Variants in CCDC178 observed in about 807,000 individuals in gnomAD.
The protein encoded by CCDC178 is coiled-coil domain-containing protein 178.
CCDC178 carries 126 observed loss-of-function variants against 117.4 expected under a neutral mutation model. The observed-to-expected ratio is 1.07, with a 90% CI of 0.93 to 1.24. CCDC178 has a LOEUF of 1.24. Among genes scored for constraint, CCDC178 ranks in the 50% most tolerant of loss-of-function variants. The pLI, the probability that CCDC178 is intolerant of heterozygous loss-of-function variation, is 0.00. For synonymous variants in CCDC178, 283 were observed against 313.4 expected (o/e 0.90, Z 1.02); for missense variants, 1,030 against 986.9 (o/e 1.04, Z -0.59).
At chr18:33,401,492 G>A (rs2063709244) in intron 3 of CCDC178, among the ~76,000 whole-genome samples, 1 of 152,068 alleles carries the variant, frequency 6.6e-6, no homozygotes, top group Admixed American at 6.6e-5. Flanking sequence ...GTGGATAACT[G>A]TATTGTTATA....
At chr18:33,045,325 T>C (rs373223706) in intron 21 of CCDC178, among the ~76,000 whole-genome samples, 2 of 152,194 alleles carry the variant, frequency 1.3e-5, no homozygotes, top group African/African-American at 4.8e-5. Context: ...AATGTCATAG[T>C]AATTAATCAA....
At chr18:32,982,515 T>C (rs2055174584) in intron 21 of CCDC178, among the ~76,000 whole-genome samples, 1 of 152,196 alleles carries the variant, frequency 6.6e-6, no homozygotes, top group Non-Finnish European at 1.5e-5. Context: ...CATTCTGGAT[T>C]TGTGAAAACA....
chr18:33,302,734 C>T (rs79505134), intron 11 of CCDC178, among the ~76,000 whole-genome samples: 1,719 of 152,206 alleles, frequency 0.011, 27 homozygotes, highest in African/African-American at 0.037. Flanking sequence ...GTGAATATTA[C>T]GTTAATGAAA....
chr18:33,246,130 T>C (rs2059546147), intron 14 of CCDC178, among the ~76,000 whole-genome samples: 1 of 151,914 alleles, frequency 6.6e-6, no homozygotes, highest in South Asian at 2.1e-4. Flanking sequence ...AGGCTTATAA[T>C]AATATACAAT....
intron 21 of CCDC178, among the ~76,000 whole-genome samples, chr18:33,082,291 T>C (rs1367298499): frequency 6.6e-6 from 1 of 151,938 alleles, no homozygotes; most frequent in East Asian, 1.9e-4. Context: ...GGCAACATAG[T>C]GAAACTCCAT....
intron 21 of CCDC178, among the ~76,000 whole-genome samples, chr18:33,034,487 G>A (rs888968140): frequency 1.3e-5 from 2 of 152,012 alleles, no homozygotes; most frequent in African/African-American, 4.8e-5. Flanking sequence ...TCTGGAAAGT[G>A]TCATATTTTT....
chr18:33,228,928 G>A (rs1171035788), intron 15 of CCDC178, among the ~76,000 whole-genome samples: 1 of 152,154 alleles, frequency 6.6e-6, no homozygotes, highest in Non-Finnish European at 1.5e-5. Flanking sequence ...ACACCACAGA[G>A]TACCCCAAAG....
intron 14 of CCDC178, among the ~76,000 whole-genome samples, 171 bp from the exon 15 acceptor site, chr18:33,245,599 G>C (rs2144691444): frequency 6.6e-6 from 1 of 151,934 alleles, no homozygotes; most frequent in South Asian, 2.1e-4. Context: ...CATTTATTCT[G>C]CTGCTTCTGA....
At chr18:33,256,689 A>G (rs111937666) in intron 14 of CCDC178, among the ~76,000 whole-genome samples, 2 of 151,672 alleles carry the variant, frequency 1.3e-5, no homozygotes, top group African/African-American at 4.8e-5. Context: ...TTCTCATTCT[A>G]TTTTCCACAA....
chr18:32,953,370 T>C (rs535496712), intron 22 of CCDC178, among the ~76,000 whole-genome samples: 3 of 152,298 alleles, frequency 2.0e-5, no homozygotes, highest in South Asian at 4.1e-4. Context: ...ATCTTTCCCA[T>C]GTCTTCCTAT....
At chr18:32,940,715 C>G (rs2054219562) in intron 22 of CCDC178, among the ~76,000 whole-genome samples, 1 of 151,934 alleles carries the variant, frequency 6.6e-6, no homozygotes, top group Non-Finnish European at 1.5e-5. Context: ...CTGTTGCTTC[C>G]TGCTTTGTGA....
chr18:33,227,579 T>TACACAC (rs1309554505), intron 15 of CCDC178, among the ~76,000 whole-genome samples: 14 of 67,624 alleles, frequency 2.1e-4, no homozygotes, highest in African/African-American at 5.9e-4. Flanking sequence ...TATATATATA[T>TACACAC]ACACACACAC....
chr18:33,067,274 T>G (rs2057033062), intron 21 of CCDC178, among the ~76,000 whole-genome samples: 1 of 152,006 alleles, frequency 6.6e-6, no homozygotes, highest in Non-Finnish European at 1.5e-5. Flanking sequence ...ATAAATAAAT[T>G]AAGACAGATG....
chr18:33,270,933 T>A (rs1383684288), intron 12 of CCDC178, among the ~76,000 whole-genome samples: 1 of 151,416 alleles, frequency 6.6e-6, no homozygotes, highest in Admixed American at 6.6e-5. Flanking sequence ...ACACAATGTA[T>A]AAAGATATAA....
intron 20 of CCDC178, among the ~76,000 whole-genome samples, chr18:33,095,796 G>A (rs753220595): frequency 6.6e-6 from 1 of 151,540 alleles, no homozygotes; most frequent in African/African-American, 2.4e-5. Context: ...ACACTTTTAA[G>A]TGTATATATA....
At position 33,399,491 on chromosome 18, in the gene CCDC178, G is replaced by T. The variant is rs11081805; in HGVS notation, c.59-2283C>A. 2.0e-5 allele frequency among the ~76,000 whole-genome samples: 3 copies of T among 152,252 alleles called. No homozygotes were observed. The East Asian group carries it at 5.8e-4, about 29-fold the overall frequency. ...TCCTCTCAAACCCTGTTGTTAATTTGCCAATTATGTTTATGCAGTATTGTA... is the reference window on the plus strand; with the variant it reads ...TCCTCTCAAACCCTGTTGTTAATTTTCCAATTATGTTTATGCAGTATTGTA... On this transcript the variant is annotated intron_variant, in intron 3 of 22. Transcript: ENST00000383096.
At chr18:33,307,436 T>C (rs901614961) in intron 11 of CCDC178, among the ~76,000 whole-genome samples, 4 of 152,178 alleles carry the variant, frequency 2.6e-5, no homozygotes, top group Non-Finnish European at 5.9e-5. Context: ...TTGAGAGAGA[T>C]GATTTAAGGT....
chr18:33,251,564 A>C (rs150157292), intron 14 of CCDC178, among the ~76,000 whole-genome samples: 1 of 151,836 alleles, frequency 6.6e-6, no homozygotes, highest in East Asian at 1.9e-4. Context: ...AGTCCCTTAC[A>C]AAGTCCTTCG....
At chr18:33,170,644 T>G (rs571567350) in intron 20 of CCDC178, among the ~76,000 whole-genome samples, 165 of 152,140 alleles carry the variant, frequency 1.1e-3, no homozygotes, top group African/African-American at 3.8e-3. Flanking sequence ...CATGTTAAAA[T>G]TACAAATAGT....
Sources: allele counts gnomAD v4.1 joint callset (sites outside exome capture counted in the v4.1 genomes callset), GRCh38; gene constraint gnomAD v4.1.1; transcripts MANE v1.5; gene names NCBI Gene and HGNC (gene_info 2026-07-23, HGNC 2026-07-21).